The following NALF1 variants were observed in gnomAD, a reference collection of about 807,000 sequenced individuals.
The protein encoded by NALF1 is family with sequence similarity 155 member A.
Under a neutral mutation model 48.4 loss-of-function variants are expected in NALF1, and 3 were observed. That is an observed-to-expected ratio of 0.06 (90% CI 0.03 to 0.16). The LOEUF is 0.16. Among genes scored for constraint, NALF1 ranks in the 10% least tolerant of loss-of-function variants. The probability of loss-of-function intolerance (pLI) is 1.00; values close to 1 mark genes in which losing one functional copy is unlikely to be tolerated. For missense variants in NALF1, 526 were observed against 571.5 expected, an observed-to-expected ratio of 0.92 and a Z score of 0.81; for synonymous variants, 262 against 245.7, an observed-to-expected ratio of 1.07 and a Z score of -0.62.
chr13:107,184,364 C>T (rs567144931), intron 2 of NALF1, among the ~76,000 whole-genome samples: 2 of 152,204 alleles, frequency 1.3e-5, no homozygotes, highest in Admixed American at 6.5e-5. Context: ...GAAAGGTAGT[C>T]CCTATTGCTT....
chr13:107,627,264 A>G (rs1397813312), intron 1 of NALF1, among the ~76,000 whole-genome samples: 21 of 152,152 alleles, frequency 1.4e-4, no homozygotes, highest in Non-Finnish European at 2.9e-5. Context: ...AAAGAAAAGT[A>G]TGAAAGAAAA....
At chr13:107,479,211 T>A (rs562148154) in intron 1 of NALF1, among the ~76,000 whole-genome samples, 1 of 152,062 alleles carries the variant, frequency 6.6e-6, no homozygotes, top group Non-Finnish European at 1.5e-5. Context: ...TTTTTCAAAG[T>A]TTTTCCTGAA....
chr13:107,711,396 C>T (rs949890290), intron 1 of NALF1, among the ~76,000 whole-genome samples: 2 of 152,328 alleles, frequency 1.3e-5, no homozygotes, highest in Admixed American at 6.5e-5. Flanking sequence ...AGTGCAGTGA[C>T]GCAATCTCAG....
At chr13:107,384,538 C>T (rs1883494717) in intron 1 of NALF1, among the ~76,000 whole-genome samples, 1 of 151,860 alleles carries the variant, frequency 6.6e-6, no homozygotes, top group Non-Finnish European at 1.5e-5. Flanking sequence ...TAATTTATAT[C>T]CCTTTATCGT....
chr13:107,587,891 A>G (rs73593196), intron 1 of NALF1, among the ~76,000 whole-genome samples: 6,502 of 152,204 alleles, frequency 0.043, 226 homozygotes, highest in African/African-American at 0.1. Context: ...ACACATGGAG[A>G]TGGAGTGTCT....
rs117301428 is a variant in NALF1 at position 107,244,885 on chromosome 13, T to C, written c.916-34130A>G. On this transcript the variant is annotated intron_variant, in intron 1 of 2. Coordinates refer to ENST00000375915, the MANE Select transcript of NALF1 (RefSeq NM_001080396.3). ...TACACTGAGTTACCTCTGATCCTAA[T>C]TGATCATCAGTAGGTAGTGGAGATA... Among the ~76,000 whole-genome samples, 1,111 of 152,338 alleles carry C rather than the reference T, an allele frequency of 7.3e-3. 7 individuals are homozygous for C. Among genetic ancestry groups the C allele is most frequent in the Middle Eastern group, 0.02 (6 of 294 alleles).
chr13:107,578,660 G>A (rs1053179308), intron 1 of NALF1, among the ~76,000 whole-genome samples: 1 of 151,998 alleles, frequency 6.6e-6, no homozygotes, highest in African/African-American at 2.4e-5. Flanking sequence ...ATTGTGATAT[G>A]AATCTTATTT....
intron 1 of NALF1, among the ~76,000 whole-genome samples, chr13:107,660,526 A>T (rs1880710239): frequency 6.6e-6 from 1 of 151,580 alleles, no homozygotes; most frequent in African/African-American, 2.4e-5. Context: ...TAAACAAAAA[A>T]CTTACTGTTC....
At chr13:107,549,695 T>TAA in intron 1 of NALF1, among the ~76,000 whole-genome samples, 1 of 152,288 alleles carries the variant, frequency 6.6e-6, no homozygotes, top group Middle Eastern at 3.4e-3. Flanking sequence ...ACTACATACT[T>TAA]AAATGTTTAT....
intron 1 of NALF1, among the ~76,000 whole-genome samples, chr13:107,570,671 A>T (rs951386971): frequency 6.6e-6 from 1 of 151,604 alleles, no homozygotes; most frequent in Non-Finnish European, 1.5e-5. Context: ...GCTGGGGAAC[A>T]TATTTATTTT....
intron 1 of NALF1, among the ~76,000 whole-genome samples, chr13:107,659,141 A>ACACACACACG (rs1172547643): frequency 2.6e-5 from 4 of 151,596 alleles, no homozygotes; most frequent in Non-Finnish European, 5.9e-5. Flanking sequence ...ACACACACAC[A>ACACACACACG]CACGCACTCA....
At chr13:107,405,873 C>T (rs1435456338) in intron 1 of NALF1, among the ~76,000 whole-genome samples, 1 of 152,080 alleles carries the variant, frequency 6.6e-6, no homozygotes, top group African/African-American at 2.4e-5. Context: ...CGCAGTAAAT[C>T]AGGAGACCTG....
intron 1 of NALF1, among the ~76,000 whole-genome samples, chr13:107,678,605 G>A (rs1202035487): frequency 6.6e-6 from 1 of 152,180 alleles, no homozygotes; most frequent in Non-Finnish European, 1.5e-5. Context: ...AACTGCCCCA[G>A]ACTGGGTAAT....
chr13:107,632,004 C>T (rs1401507570), intron 1 of NALF1, among the ~76,000 whole-genome samples: 1 of 152,134 alleles, frequency 6.6e-6, no homozygotes, highest in Non-Finnish European at 1.5e-5. Context: ...TCATCCTCCA[C>T]ATGTCATAGT....
At chr13:107,439,382 C>A (rs926363063) in intron 1 of NALF1, among the ~76,000 whole-genome samples, 1 of 152,208 alleles carries the variant, frequency 6.6e-6, no homozygotes, top group East Asian at 1.9e-4. Context: ...CTCTGTTCTT[C>A]CCCTTTAAAC....
intron 1 of NALF1, among the ~76,000 whole-genome samples, chr13:107,679,033 A>T (rs1381029978): frequency 2.0e-5 from 3 of 152,282 alleles, no homozygotes; most frequent in South Asian, 2.1e-4. Context: ...AAAGGTCTTT[A>T]AGGCCCTTTA....
rs965842013 is a variant in NALF1, at chr13:107,329,096, C to T, written c.916-118341G>A. ...TAGATTATATCATGAGGAAGAGCAT[C>T]TCAATGGGATCAAGAAATGTGCAAC... On this transcript the variant is annotated intron_variant, in intron 1 of 2. Transcript: ENST00000375915. Among the ~76,000 whole-genome samples, 67 of 152,226 alleles carry T rather than the reference C, an allele frequency of 4.4e-4. No homozygotes were observed. In the Middle Eastern group the frequency reaches 0.014, roughly 31 times the overall value.
intron 2 of NALF1, among the ~76,000 whole-genome samples, chr13:107,194,272 T>A (rs1190060833): frequency 6.6e-6 from 1 of 152,140 alleles, no homozygotes; most frequent in Non-Finnish European, 1.5e-5. Flanking sequence ...CTGATTGTCT[T>A]ATACATAAAA....
intron 1 of NALF1, among the ~76,000 whole-genome samples, chr13:107,792,515 A>G (rs1878279481): frequency 6.6e-6 from 1 of 152,138 alleles, no homozygotes; most frequent in African/African-American, 2.4e-5. Context: ...CTGCTTTCCT[A>G]TGGCTCAACC....
Sources: gnomAD v4.1 joint callset for allele counts (sites outside exome capture counted in the v4.1 genomes callset) on GRCh38, gnomAD v4.1.1 for gene constraint, MANE v1.5 for transcripts, NCBI Gene and HGNC (gene_info 2026-07-23, HGNC 2026-07-21) for gene names.